The following TBC1D5 variants were observed in gnomAD, a reference collection of about 807,000 sequenced individuals.
TBC1D5 encodes the protein TBC1 domain family member 5, also known as TBC1 domain family, member 5.
TBC1D5 carries 75 observed loss-of-function variants against 100.3 expected under a neutral mutation model. The observed-to-expected ratio is 0.75, with a 90% CI of 0.62 to 0.91. TBC1D5 has a LOEUF of 0.91. Among genes scored for constraint, TBC1D5 ranks in the 40% least tolerant of loss-of-function variants. TBC1D5 has a pLI of 0.00. For synonymous variants in TBC1D5, 323 were observed against 325.6 expected (o/e 0.99, Z 0.09); for missense variants, 910 against 942.4 (o/e 0.97, Z 0.45).
At chr3:17,213,556 A>C (rs1315913820) in intron 18 of TBC1D5, among the ~76,000 whole-genome samples, 1 of 152,038 alleles carries the variant, frequency 6.6e-6, no homozygotes, top group Admixed American at 6.6e-5. Flanking sequence ...ACTTGAGCCC[A>C]AGAGTTCCAG....
At chr3:17,418,228 G>T (rs996964891) in intron 4 of TBC1D5, among the ~76,000 whole-genome samples, 1 of 151,998 alleles carries the variant, frequency 6.6e-6, no homozygotes, top group African/African-American at 2.4e-5. Flanking sequence ...ATTCTCAATT[G>T]TATCATTGTC....
intron 18 of TBC1D5, among the ~76,000 whole-genome samples, chr3:17,207,168 T>C (rs1356200242): frequency 2.0e-5 from 3 of 152,172 alleles, no homozygotes; most frequent in Admixed American, 6.5e-5. Context: ...ATTTTTCTTA[T>C]ACTCTATTTT....
chr3:17,464,452 A>T (rs1293688075), intron 3 of TBC1D5, among the ~76,000 whole-genome samples: 1 of 152,094 alleles, frequency 6.6e-6, no homozygotes, highest in African/African-American at 2.4e-5. Flanking sequence ...CTTTATTGGG[A>T]GAAATACTAT....
chr3:17,485,830 G>T (rs1242659930), intron 3 of TBC1D5, among the ~76,000 whole-genome samples: 7 of 152,218 alleles, frequency 4.6e-5, no homozygotes, highest in Admixed American at 4.6e-4. Context: ...ATAGCAGCAT[G>T]ATTTATAGTC....
chr3:17,483,298 C>A (rs949198558), intron 3 of TBC1D5, among the ~76,000 whole-genome samples: 2 of 151,986 alleles, frequency 1.3e-5, no homozygotes, highest in African/African-American at 4.8e-5. Flanking sequence ...CCACCCCCCA[C>A]CCCACCCCAT....
At chr3:17,630,435 T>C (rs2063392532) in intron 1 of TBC1D5, among the ~76,000 whole-genome samples, 1 of 152,226 alleles carries the variant, frequency 6.6e-6, no homozygotes, top group Non-Finnish European at 1.5e-5. Context: ...TCATATCTGC[T>C]ATGGTGAACT....
chr3:17,445,799 T>C (rs1449231374), intron 3 of TBC1D5, among the ~76,000 whole-genome samples: 1 of 152,242 alleles, frequency 6.6e-6, no homozygotes, highest in East Asian at 1.9e-4. Context: ...GGTTCAGTAC[T>C]ATCTGTGATT....
intron 10 of TBC1D5, among the ~76,000 whole-genome samples, chr3:17,375,580 C>G (rs1032368378): frequency 4.0e-5 from 6 of 149,190 alleles, no homozygotes; most frequent in African/African-American, 1.5e-4. Flanking sequence ...AAAAAAAAGG[C>G]ATTACAACAG....
intron 19 of TBC1D5, among the ~76,000 whole-genome samples, chr3:17,182,962 T>C (rs973000621): frequency 2.0e-5 from 3 of 152,144 alleles, no homozygotes; most frequent in Admixed American, 6.5e-5. Context: ...AATCTTTACC[T>C]GCCCTTTACC....
intron 1 of TBC1D5, among the ~76,000 whole-genome samples, chr3:17,703,681 G>C (rs1490718888): frequency 6.6e-6 from 1 of 151,930 alleles, no homozygotes; most frequent in African/African-American, 2.4e-5. Context: ...CATAGAACAG[G>C]GGATCACAAG....
intron 21 of TBC1D5, among the ~76,000 whole-genome samples, chr3:17,163,200 C>T (rs897218082): frequency 1.1e-4 from 17 of 152,100 alleles, no homozygotes; most frequent in African/African-American, 3.4e-4. Flanking sequence ...CACAGACTGC[C>T]GTAGACAAAG....
chr3:17,689,229 T>C (rs1236847612), intron 1 of TBC1D5, among the ~76,000 whole-genome samples: 1 of 152,024 alleles, frequency 6.6e-6, no homozygotes, highest in Non-Finnish European at 1.5e-5. Flanking sequence ...CCCAGTCCTC[T>C]AGAAAATGCG....
In TBC1D5 at chr3:17,291,881, C is replaced by A. The variant is rs3762701; in HGVS notation, c.1245+14G>T. 677 of 1,608,518 alleles carry A rather than the reference C, an allele frequency of 4.2e-4. 11 individuals are homozygous for A. The East Asian group carries it at 0.014, about 32-fold the overall frequency. ...CCAACTTAAAATTATGCATACCCTA[C>A]TGGGGAAGCTTACCTTTGGATCTCT... On this transcript the variant is annotated intron_variant, in intron 15 of 21. Coordinates refer to ENST00000253692, the Ensembl canonical transcript of TBC1D5.
intron 14 of TBC1D5, among the ~76,000 whole-genome samples, chr3:17,300,261 T>A (rs2082693789): frequency 6.6e-6 from 1 of 152,172 alleles, no homozygotes; most frequent in African/African-American, 2.4e-5. Context: ...GCTTAAACAT[T>A]CCTTCAAAAA....
chr3:17,190,922 A>G (rs1377843128), intron 18 of TBC1D5, among the ~76,000 whole-genome samples: 1 of 152,212 alleles, frequency 6.6e-6, no homozygotes, highest in Non-Finnish European at 1.5e-5. Flanking sequence ...AGTGGGAAGT[A>G]AAGGAAACGG....
intron 13 of TBC1D5, among the ~76,000 whole-genome samples, chr3:17,357,514 C>G (rs17043486): frequency 0.065 from 9,876 of 151,924 alleles, 664 homozygotes; most frequent in African/African-American, 0.17. Flanking sequence ...AGGTGATCGA[C>G]GTAGAGAAAA....
intron 1 of TBC1D5, among the ~76,000 whole-genome samples, chr3:17,708,660 A>G (rs2074408109): frequency 6.6e-6 from 1 of 152,204 alleles, no homozygotes; most frequent in Non-Finnish European, 1.5e-5. Context: ...GAGGGGTAAA[A>G]CCGCCCCTAT....
intron 21 of TBC1D5, among the ~76,000 whole-genome samples, chr3:17,165,959 C>G (rs1559333788): frequency 6.6e-6 from 1 of 152,124 alleles, no homozygotes; most frequent in African/African-American, 2.4e-5. Context: ...CATTTTCTCA[C>G]TGGTCAAATG....
intron 3 of TBC1D5, among the ~76,000 whole-genome samples, chr3:17,441,243 A>G (rs991748397): frequency 1.3e-5 from 2 of 152,228 alleles, no homozygotes; most frequent in Non-Finnish European, 2.9e-5. Context: ...CCTAGGAACT[A>G]GAAGTATTAT....
Sources: allele counts gnomAD v4.1 joint callset (sites outside exome capture counted in the v4.1 genomes callset), GRCh38; gene constraint gnomAD v4.1.1; transcripts MANE v1.5; gene names NCBI Gene and HGNC (gene_info 2026-07-23, HGNC 2026-07-21).